The following IGFALS variants were observed in gnomAD, a reference collection of about 807,000 sequenced individuals.
IGFALS encodes the protein insulin-like growth factor-binding protein complex acid labile subunit.
In IGFALS, 2 loss-of-function variants were observed where a neutral mutation model predicts 2.6. The observed-to-expected ratio is 0.77, with a 90% CI of 0.32 to 2.44. The LOEUF is 2.44. Ranked by LOEUF, IGFALS falls within the 30% of genes most tolerant of loss-of-function variation. The pLI is 0.11. For synonymous variants in IGFALS, 519 were observed against 431.9 expected, an observed-to-expected ratio of 1.20 and a Z score of -2.50; for missense variants, 996 against 848.7, an observed-to-expected ratio of 1.17 and a Z score of -2.16.
intron 1 of IGFALS, among the ~76,000 whole-genome samples, chr16:1,792,687 G>C (rs111844234): frequency 2.0e-5 from 3 of 152,226 alleles, no homozygotes; most frequent in Admixed American, 1.3e-4. Context: ...GCTGGGTCTC[G>C]GGCTGTCTGG....
upstream of IGFALS, chr16:1,794,695 G>A: frequency 1.6e-6 from 1 of 608,982 alleles, no homozygotes; most frequent in South Asian, 1.9e-5. Flanking sequence ...TCCCCTGGCT[G>A]TCAGTGGGGC....
In IGFALS at chr16:1,792,233, G is replaced by A; in HGVS notation, c.185C>T (p.Ser62Phe). The change falls in exon 2 of 2, where the codon TCC (serine) becomes TTC (phenylalanine). Residue 62 changes from serine to phenylalanine, a missense_variant. By Grantham distance (155) the Ser-to-Phe change is radical (BLOSUM62 -2). Transcript: ENST00000215539. ...ATCAGGCAGGCGCGTGAGGTTCCTG[G>A]AGCTGCAGAAGACGCTGAGCTCATC... ...DADELSVFCS[S>F]RNLTRLPDGV... 2.5e-6 allele frequency: 4 copies of A among 1,605,872 alleles called. No individual in the cohort carries two copies. Among genetic ancestry groups the A allele is most frequent in the Non-Finnish European group, 3.4e-6 (4 of 1,179,700 alleles).
chr16:1,791,148 C>T lies in IGFALS; in HGVS notation c.1270G>A (p.Gly424Ser), dbSNP rs199573954. 3 of 1,606,006 alleles carry T rather than the reference C, an allele frequency of 1.9e-6. No individual in the cohort carries two copies. The highest frequency in any genetic ancestry group is 2.5e-6 in the Non-Finnish European group (3 of 1,179,884). Residue 424 changes from glycine (G) to serine (S), a missense_variant, in exon 2 of 2, where the codon GGC (glycine) becomes AGC (serine). Coordinates refer to ENST00000215539, the MANE Select transcript of IGFALS (RefSeq NM_004970.3). ...RLFLKDNGLV[G>S]IEEQSLWGLA... ...CCCCACAGGCTCTGCTCCTCAATGC[C>T]CACGAGGCCGTTGTCCTTGAGGAAG...
chr16:1,793,642 C>T lies in IGFALS; in HGVS notation c.11G>A (p.Arg4Lys), dbSNP rs746638264. Residue 4 changes from arginine to lysine, a missense_variant, in exon 1 of 2, where the codon AGG becomes AAG. Coordinates refer to ENST00000215539, the MANE Select transcript of IGFALS (RefSeq NM_004970.3). Reference sequence around the variant, plus strand: ...GGGGCACTCGGGGGCCTCACCTTTCCTCAGGGCCATCCTGCATGCAGGGCA... The same window carrying T: ...GGGGCACTCGGGGGCCTCACCTTTCTTCAGGGCCATCCTGCATGCAGGGCA... MAL[R>K]KGGLALALLL... The T allele has an allele frequency of 2.4e-5, 39 of 1,597,412 alleles. No homozygotes were observed. In the East Asian group the frequency reaches 8.4e-4, roughly 34 times the overall value.
Position 1,791,626 on chromosome 16 carries a change from G to A in IGFALS, c.792C>T (p.Gly264=), listed in dbSNP as rs1329354332. 6.4e-7 allele frequency: 1 copy of A among 1,572,746 alleles called. No homozygotes were observed. The highest frequency in any genetic ancestry group is 2.4e-5 in the East Asian group (1 of 42,346). The change falls in exon 2 of 2, where the codon GGC becomes GGT. Residue 264 remains glycine (G), a synonymous_variant. Coordinates refer to ENST00000215539, the MANE Select transcript of IGFALS (RefSeq NM_004970.3). ...IAAVAPGAFL[G]LKALRWLDLS... is the part of the protein sequence containing the mutation. ...GGTCCAGCCATCGCAGCGCCTTCAG[G>A]CCCAGGAAGGCGCCCGGGGCCACGG... is the stretch of plus-strand genomic sequence containing the variant.
At position 1,792,168 on chromosome 16, in the gene IGFALS, T is replaced by C. The variant is rs990839545; in HGVS notation, c.250A>G (p.Asn84Asp). Residue 84 changes from asparagine to aspartate, a missense_variant, in exon 2 of 2, where the codon AAC becomes GAC. Coordinates refer to ENST00000215539, the MANE Select transcript of IGFALS (RefSeq NM_004970.3). ...GCCGGGGGGACGGACGAGAGGTTGT[T>C]GCCGTCCAGCCACAGGGCTTGGGTG... Reference protein sequence around the residue: ...GGTQALWLDGNNLSSVPPAAF... With the variant: ...GGTQALWLDGDNLSSVPPAAF... 1.2e-6 allele frequency: 2 copies of C among 1,611,314 alleles called. No individual in the cohort carries two copies. The highest frequency in any genetic ancestry group is 1.7e-4 in the Middle Eastern group (1 of 6,060).
At chr16:1,793,886 G>T (rs1897284094), upstream of IGFALS, 2 of 423,002 alleles carry the variant, frequency 4.7e-6, no homozygotes, top group Non-Finnish European at 8.4e-6. Context: ...GGGGCCCGAG[G>T]TAGCCGTAAT....
chr16:1,792,035 T>G lies in IGFALS; in HGVS notation c.383A>C (p.His128Pro). Residue 128 changes from histidine to proline, a missense_variant, in exon 2 of 2, where the codon CAC becomes CCC. Physicochemically the swap from His to Pro is moderately conservative, Grantham distance 77 (BLOSUM62 -2). Coordinates refer to ENST00000215539, the MANE Select transcript of IGFALS (RefSeq NM_004970.3). Reference protein sequence around the residue: ...LLGLENLCHLHLERNQLRSLA... With the variant: ...LLGLENLCHLPLERNQLRSLA... ...GCTGCGCAGCTGGTTCCGCTCCAGG[T>G]GCAGGTGGCACAGGTTCTCTAGGCC... The G allele has an allele frequency of 6.2e-7, 1 of 1,610,646 alleles. No homozygotes were observed.
Position 1,791,241 on chromosome 16 carries a change from G to A in IGFALS, c.1177C>T (p.Leu393=), listed in dbSNP as rs1897217453. The A allele has an allele frequency of 3.1e-6, 5 of 1,608,780 alleles. No individual in the cohort carries two copies. The African/African-American group carries it at 5.3e-5, about 17-fold the overall frequency. Residue 393 remains leucine, a synonymous_variant, in exon 2 of 2, where the codon CTG becomes TTG. Transcript: ENST00000215539. ...RGLGKLHSLH[L]EGSCLGRIRP... is the part of the protein sequence containing the mutation. Reference sequence around the variant, plus strand: ...ATGCGTCCCAGGCAGCTGCCCTCCAGGTGCAGGCTGTGCAGCTTGCCCAGG... The same window carrying A: ...ATGCGTCCCAGGCAGCTGCCCTCCAAGTGCAGGCTGTGCAGCTTGCCCAGG...
In IGFALS at chr16:1,790,734, C is replaced by T. The variant is rs190570821; in HGVS notation, c.1684G>A (p.Val562Ile). The T allele has an allele frequency of 1.9e-5, 30 of 1,606,032 alleles. No individual in the cohort carries two copies. The highest frequency in any genetic ancestry group is 3.4e-5 in the Admixed American group (2 of 58,978). ...LQNPSAVPRF[V>I]QAICEGDDCQ... ...TCGTCCCCCTCACAGATGGCCTGGA[C>T]GAAGCGGGGCACAGCACTGGGGTTC... Residue 562 changes from valine (V) to isoleucine (I), a missense_variant, in exon 2 of 2, where the codon GTC (valine) becomes ATC (isoleucine). Transcript: ENST00000215539.
chr16:1,794,293 C>T (rs1232848253), upstream of IGFALS, among the ~76,000 whole-genome samples: 1 of 152,180 alleles, frequency 6.6e-6, no homozygotes, highest in East Asian at 1.9e-4. Context: ...GCGCTGGTGT[C>T]TGGCCACTGC....
At chr16:1,794,225 C>G (rs2745205), upstream of IGFALS, among the ~76,000 whole-genome samples, 105,353 of 152,036 alleles carry the variant, frequency 0.69, 36,763 homozygotes, top group Middle Eastern at 0.79. Flanking sequence ...GTTTGGGCTT[C>G]AGGCCCACGG....
intron 1 of IGFALS, among the ~76,000 whole-genome samples, chr16:1,793,084 C>T (rs1897269381): frequency 6.6e-6 from 1 of 152,220 alleles, no homozygotes; most frequent in East Asian, 1.9e-4. Context: ...CAGCGATGAC[C>T]CAAAACCTCT....
intron 1 of IGFALS, among the ~76,000 whole-genome samples, chr16:1,793,279 TG>T (rs1308861165): frequency 6.6e-6 from 1 of 151,478 alleles, no homozygotes; most frequent in African/African-American, 2.4e-5. Context: ...GACAATGGGG[TG>T]TGAGCCAACG....
chr16:1,791,692 G>A lies in IGFALS; in HGVS notation c.726C>T (p.Pro242=). ...GGTCCAGGTAGAGTTTCTGGAGCCG[G>A]GGCAGCTGCACGAACACGTTTGCCT... is the stretch of plus-strand genomic sequence containing the variant. ...AIKANVFVQL[P]RLQKLYLDRN... Residue 242 remains proline, a synonymous_variant, in exon 2 of 2, where the codon CCC becomes CCT. Transcript: ENST00000215539. 1.9e-6 allele frequency: 3 copies of A among 1,577,076 alleles called. No individual in the cohort carries two copies. The highest frequency in any genetic ancestry group is 8.6e-7 in the Non-Finnish European group (1 of 1,165,814).
chr16:1,791,466 C>G lies in IGFALS; in HGVS notation c.952G>C (p.Glu318Gln), dbSNP rs897198501. 1.2e-6 allele frequency: 2 copies of G among 1,612,226 alleles called. No homozygotes were observed. Among genetic ancestry groups the G allele is most frequent in the African/African-American group, 2.7e-5 (2 of 74,938 alleles). ...ATGCGGTTGTGGCCCAGCTGCAGCT[C>G]CTCCAGGAAGTGCAGGTCCTTGAAG... Reference protein sequence around the residue: ...RTFKDLHFLEELQLGHNRIRQ... With the variant: ...RTFKDLHFLEQLQLGHNRIRQ... The change falls in exon 2 of 2, where the codon GAG (glutamate) becomes CAG (glutamine). Residue 318 changes from glutamate (E) to glutamine (Q), a missense_variant. Coordinates refer to ENST00000215539, the MANE Select transcript of IGFALS (RefSeq NM_004970.3).
Position 1,791,759 on chromosome 16 carries a change from A to G in IGFALS, c.659T>C (p.Leu220Pro). The change falls in exon 2 of 2, where the codon CTC becomes CCC. Residue 220 changes from leucine to proline, a missense_variant. By Grantham distance (98) the Leu-to-Pro change is moderately conservative. Coordinates refer to ENST00000215539, the MANE Select transcript of IGFALS (RefSeq NM_004970.3). ...QPALFSGLAE[L>P]RELDLSRNAL... ...GTTCCTGCTCAGGTCCAGCTCCCGGAGCTCGGCCAGGCCGCTGAAGAGCGC... is the reference window on the plus strand; with the variant it reads ...GTTCCTGCTCAGGTCCAGCTCCCGGGGCTCGGCCAGGCCGCTGAAGAGCGC... The G allele has an allele frequency of 1.3e-6, 2 of 1,549,892 alleles. No individual in the cohort carries two copies. The highest frequency in any genetic ancestry group is 8.7e-7 in the Non-Finnish European group (1 of 1,151,536).
At position 1,791,980 on chromosome 16, in the gene IGFALS, G is replaced by A. The variant is rs778824150; in HGVS notation, c.438C>T (p.Pro146=). 85 of 1,605,262 alleles carry A rather than the reference G, an allele frequency of 5.3e-5. No individual in the cohort carries two copies. The highest frequency in any genetic ancestry group is 6.7e-5 in the East Asian group (3 of 44,588). ...SLALGTFAHT[P]ALASLGLSNN... ...TGCTGAGGCCGAGCGAGGCCAGCGC[G>A]GGCGTGTGTGCAAACGTGCCGAGTG... is the stretch of plus-strand genomic sequence containing the variant. Residue 146 remains proline, a synonymous_variant, in exon 2 of 2, where the codon CCC becomes CCT. Transcript: ENST00000215539.
intron 1 of IGFALS, 110 bp downstream of exon 1, chr16:1,793,527 G>A: frequency 9.6e-7 from 1 of 1,040,342 alleles, no homozygotes; most frequent in Non-Finnish European, 1.4e-6. Context: ...GACCCCCAGA[G>A]CTGAGCCCCC....
Sources: allele counts gnomAD v4.1 joint callset (sites outside exome capture counted in the v4.1 genomes callset), GRCh38; gene constraint gnomAD v4.1.1; transcripts MANE v1.5; gene names NCBI Gene and HGNC (gene_info 2026-07-23, HGNC 2026-07-21).